PNMA5: variants seen among roughly 807,000 people sequenced by gnomAD.
PNMA5 encodes PNMA family member 5.
For synonymous variants in PNMA5, 138 were observed against 137.9 expected (o/e 1.00, Z 0.00); for missense variants, 334 against 356.6 (o/e 0.94, Z 0.51).
chrX:152,990,943 T>C lies in PNMA5; in HGVS notation c.656A>G (p.Asn219Ser), dbSNP rs782613161. Residue 219 changes from asparagine (N) to serine (S), a missense_variant, in exon 4 of 4, where the codon AAT becomes AGT. Coordinates refer to ENST00000535214, the MANE Select transcript of PNMA5 (RefSeq NM_001184924.2). ...GCACTGCTCCACAGTTATGGAGTCATTGTTGGCCTGGAGCACCCGCATGAT... is the reference window on the plus strand; with the variant it reads ...GCACTGCTCCACAGTTATGGAGTCACTGTTGGCCTGGAGCACCCGCATGAT... ...LSIMRVLQAN[N>S]DSITVEQCLD... 5 of 1,195,203 alleles carry C rather than the reference T, an allele frequency of 4.2e-6. No individual in the cohort carries two copies. The highest frequency in any genetic ancestry group is 1.9e-5 in the South Asian group (1 of 53,211).
In PNMA5 at chrX:152,990,886, T is replaced by C; in HGVS notation, c.713A>G (p.Lys238Arg). ...LDALKQIFGD[K>R]EDFRASQFRF... is the part of the protein sequence containing the mutation. ...AAACTGAGAGGCTCTAAAGTCCTCT[T>C]TATCCCCAAAGATCTGCTTTAGGGC... is the stretch of plus-strand genomic sequence containing the variant. Residue 238 changes from lysine (K) to arginine (R), a missense_variant, in exon 4 of 4, where the codon AAA becomes AGA. By Grantham distance (26) the Lys-to-Arg change is conservative. Coordinates refer to ENST00000535214, the MANE Select transcript of PNMA5 (RefSeq NM_001184924.2). The C allele has an allele frequency of 8.3e-7, 1 of 1,208,648 alleles. No individual in the cohort carries two copies.
chrX:152,991,027 A>G lies in PNMA5; in HGVS notation c.572T>C (p.Val191Ala), dbSNP rs1257454393. The G allele has an allele frequency of 8.3e-7, 1 of 1,204,878 alleles. No homozygotes were observed. Among genetic ancestry groups the G allele is most frequent in the African/African-American group, 1.7e-5 (1 of 57,151 alleles). The change falls in exon 4 of 4, where the codon GTG becomes GCG. Residue 191 changes from valine to alanine, a missense_variant. Coordinates refer to ENST00000535214, the MANE Select transcript of PNMA5 (RefSeq NM_001184924.2). Reference protein sequence around the residue: ...QVTEIMPIWQVSEVEKRRRLL... With the variant: ...QVTEIMPIWQASEVEKRRRLL... ...ACGCCGCCTCTTCTCCACCTCAGAC[A>G]CTTGCCATATGGGCATTATCTCAGT...
chrX:152,990,953 G>T lies in PNMA5; in HGVS notation c.646C>A (p.Gln216Lys). The change falls in exon 4 of 4, where the codon CAG becomes AAG. Residue 216 changes from glutamine to lysine, a missense_variant. By Grantham distance (53) the Gln-to-Lys change is moderately conservative. Coordinates refer to ENST00000535214, the MANE Select transcript of PNMA5 (RefSeq NM_001184924.2). ...GPALSIMRVL[Q>K]ANNDSITVEQ... ...ACAGTTATGGAGTCATTGTTGGCCT[G>T]GAGCACCCGCATGATTGACAGAGCA... 1 of 1,194,621 alleles carries T rather than the reference G, an allele frequency of 8.4e-7. No individual in the cohort carries two copies. Among genetic ancestry groups the T allele is most frequent in the Non-Finnish European group, 1.1e-6 (1 of 888,214 alleles).
At chrX:152,993,558 T>C (rs1288730316) in intron 1 of PNMA5, among the ~76,000 whole-genome samples, 2 of 111,768 alleles carry the variant, frequency 1.8e-5, no homozygotes, top group Non-Finnish European at 3.8e-5. Flanking sequence ...TTGTTTGTTT[T>C]TCTCTGAAAC....
chrX:152,990,218 C>T lies in PNMA5; in HGVS notation c.*34G>A, dbSNP rs2050886574. Reference sequence around the variant, plus strand: ...CCCCTTGTTCAAATGTCCCTGCTGCCTGCCAGGGGAAGGAGTGCTTCGGTC... The same window carrying T: ...CCCCTTGTTCAAATGTCCCTGCTGCTTGCCAGGGGAAGGAGTGCTTCGGTC... On this transcript the variant is annotated 3_prime_UTR_variant, in exon 4 of 4. Coordinates refer to ENST00000535214, the MANE Select transcript of PNMA5 (RefSeq NM_001184924.2). 9.4e-7 allele frequency: 1 copy of T among 1,060,505 alleles called. No homozygotes were observed. Among genetic ancestry groups the T allele is most frequent in the Non-Finnish European group, 1.2e-6 (1 of 820,540 alleles). 87.4% of individuals were successfully genotyped at this position (1,060,505 alleles called of 1,213,427 possible).
rs782011616 is a variant in PNMA5 at position 152,990,293 on chromosome X, C to A, written c.1306G>T (p.Gly436Trp). The part of the protein sequence containing the change: ...AAGEELGNEA[G>W]AGAMSHPKPW... Reference sequence around the variant, plus strand: ...TTGGGATGGCTCATGGCCCCAGCCCCTGCCTCGTTTCCCAACTCCTCTCCT... The same window carrying A: ...TTGGGATGGCTCATGGCCCCAGCCCATGCCTCGTTTCCCAACTCCTCTCCT... Residue 436 changes from glycine to tryptophan, a missense_variant, in exon 4 of 4, where the codon GGG becomes TGG. Transcript: ENST00000535214. The A allele has an allele frequency of 8.8e-6, 10 of 1,130,948 alleles. No individual in the cohort carries two copies. The highest frequency in any genetic ancestry group is 1.2e-5 in the Non-Finnish European group (10 of 860,797). 93.2% of individuals were successfully genotyped at this position (1,130,948 alleles called of 1,213,427 possible).
Position 152,990,352 on chromosome X carries a change from T to G in PNMA5, c.1247A>C (p.Asn416Thr). 8.6e-7 allele frequency: 1 copy of G among 1,166,884 alleles called. No homozygotes were observed. Among genetic ancestry groups the G allele is most frequent in the Non-Finnish European group, 1.1e-6 (1 of 878,563 alleles). ...HGQATYPKAE[N>T]QTPGREGPQA... is the part of the protein sequence containing the mutation. ...TGGCCCCTCCCTGCCTGGAGTCTGG[T>G]TTTCAGCCTTGGGATACGTGGCCTG... Residue 416 changes from asparagine to threonine, a missense_variant, in exon 4 of 4, where the codon AAC becomes ACC. Physicochemically the swap from Asn to Thr is moderately conservative, Grantham distance 65 (BLOSUM62 0). Transcript: ENST00000535214.
chrX:152,990,267 C>T lies in PNMA5; in HGVS notation c.1332G>A (p.Lys444=). Residue 444 remains lysine, a synonymous_variant, in exon 4 of 4, where the codon AAG becomes AAA. Coordinates refer to ENST00000535214, the MANE Select transcript of PNMA5 (RefSeq NM_001184924.2). The part of the protein sequence containing the change: ...EAGAGAMSHP[K]PWET ...TCTTCTGAGCCTATGTTTCCCAGGG[C>T]TTGGGATGGCTCATGGCCCCAGCCC... 18 of 1,104,756 alleles carry T rather than the reference C, an allele frequency of 1.6e-5. No homozygotes were observed. The highest frequency in any genetic ancestry group is 2.1e-5 in the Non-Finnish European group (18 of 845,856). 91.0% of individuals were successfully genotyped at this position (1,104,756 alleles called of 1,213,427 possible). A position where few individuals can be genotyped will look rare whatever the true frequency, so the allele number is the denominator to read the frequency against.
chrX:152,990,197 T>C lies in PNMA5; in HGVS notation c.*55A>G. 9.5e-7 allele frequency: 1 copy of C among 1,058,093 alleles called. No individual in the cohort carries two copies. The highest frequency in any genetic ancestry group is 1.2e-6 in the Non-Finnish European group (1 of 818,818). 87.2% of individuals were successfully genotyped at this position (1,058,093 alleles called of 1,213,427 possible). On this transcript the variant is annotated 3_prime_UTR_variant, in exon 4 of 4. Coordinates refer to ENST00000535214, the MANE Select transcript of PNMA5 (RefSeq NM_001184924.2). ...TGTTAGTGTAAGCTGCCCCTTCCCC[T>C]TGTTCAAATGTCCCTGCTGCCTGCC...
chrX:152,991,237 G>C lies in PNMA5; in HGVS notation c.362C>G (p.Ala121Gly). The C allele has an allele frequency of 7.5e-6, 9 of 1,200,062 alleles. No individual in the cohort carries two copies. Among genetic ancestry groups the C allele is most frequent in the Non-Finnish European group, 1.0e-5 (9 of 889,848 alleles). ...KDEGRSMTDVARALGCCSLPA... is the reference protein window; with the variant it reads ...KDEGRSMTDVGRALGCCSLPA... ...GAGGCTGCAACATCCCAGGGCTCTG[G>C]CCACATCTGTCATACTTCGGCCCTC... The change falls in exon 4 of 4, where the codon GCC becomes GGC. Residue 121 changes from alanine (A) to glycine (G), a missense_variant. Transcript: ENST00000535214.
chrX:152,993,043 T>C (rs2050920648), intron 1 of PNMA5, among the ~76,000 whole-genome samples: 1 of 106,037 alleles, frequency 9.4e-6, no homozygotes, highest in Non-Finnish European at 1.9e-5. Context: ...GATCCTAAGG[T>C]AAGGTTGCTG....
In PNMA5 at chrX:152,989,606, C is replaced by T. The variant is rs1343084856; in HGVS notation, c.*646G>A. On this transcript the variant is annotated 3_prime_UTR_variant, in exon 4 of 4. Transcript: ENST00000535214. ...CTTCCTCCTGCTCCTCCTTATTCTCCTCTTCCTCCTCCCGATCATCCTCTT... is the reference window on the plus strand; with the variant it reads ...CTTCCTCCTGCTCCTCCTTATTCTCTTCTTCCTCCTCCCGATCATCCTCTT... 9.1e-6 allele frequency: 1 copy of T among 110,218 alleles called. No homozygotes were observed. Among genetic ancestry groups the T allele is most frequent in the East Asian group, 2.9e-4 (1 of 3,476 alleles). The allele number at this position is 110,218 out of a possible 1,213,427, so 9.1% of individuals were successfully genotyped here.
At chrX:152,993,537 C>T (rs914519991) in intron 1 of PNMA5, among the ~76,000 whole-genome samples, 4 of 111,755 alleles carry the variant, frequency 3.6e-5, no homozygotes, top group Admixed American at 9.5e-5. Flanking sequence ...TGGAATAGGT[C>T]TCCCTGAAGT....
At chrX:152,993,898 T>C (rs2050928708) in intron 1 of PNMA5, 135 bp downstream of exon 1, 1 of 112,735 alleles carries the variant, frequency 8.9e-6, no homozygotes, top group African/African-American at 3.2e-5. Flanking sequence ...GCGTGCTGGG[T>C]GTGATCTAGT....
chrX:152,989,902 G>A lies in PNMA5; in HGVS notation c.*350C>T. On this transcript the variant is annotated 3_prime_UTR_variant, in exon 4 of 4. Transcript: ENST00000535214. ...CAAAGTCCACAGGGTAGATATTTGG[G>A]GGTGTCCAGAGGACCAGGCCAGAGC... The A allele has an allele frequency of 5.4e-6, 1 of 185,378 alleles. No homozygotes were observed. The highest frequency in any genetic ancestry group is 1.8e-3 in the Middle Eastern group (1 of 541). The allele number at this position is 185,378 out of a possible 1,213,427, so 15.3% of individuals were successfully genotyped here.
At chrX:152,993,613 C>T (rs1556925002) in intron 1 of PNMA5, among the ~76,000 whole-genome samples, 1 of 112,338 alleles carries the variant, frequency 8.9e-6, no homozygotes, top group Non-Finnish European at 1.9e-5. Context: ...TAGCGTATCT[C>T]GGCTCACTGC....
Position 152,991,485 on chromosome X carries a change from A to G in PNMA5, c.114T>C (p.Thr38=). The change falls in exon 4 of 4, where the codon ACT becomes ACC. Residue 38 remains threonine, a synonymous_variant. Transcript: ENST00000535214. Reference sequence around the variant, plus strand: ...ACAGGGGCTGTAAGCCTGCCTTCACAGTGTCCTGAATTTCCACCTCACTAC... The same window carrying G: ...ACAGGGGCTGTAAGCCTGCCTTCACGGTGTCCTGAATTTCCACCTCACTAC... ...MECSEVEIQD[T]VKAGLQPLCA... 1.7e-6 allele frequency: 2 copies of G among 1,207,855 alleles called. No homozygotes were observed. Among genetic ancestry groups the G allele is most frequent in the South Asian group, 3.6e-5 (2 of 55,924 alleles).
chrX:152,991,914 ACTT>A lies in PNMA5; in HGVS notation c.-139_-137del, dbSNP rs1239507461. On this transcript the variant is annotated 5_prime_UTR_variant, in exon 3 of 4. Coordinates refer to ENST00000535214, the MANE Select transcript of PNMA5 (RefSeq NM_001184924.2). ...CTCCCCATCTCACCACTCCCTGCTG[ACTT>A]CCTCCTGCTGTGGGTTCTTCCTCAA... 8.7e-6 allele frequency: 2 copies of A among 231,175 alleles called. No individual in the cohort carries two copies. Among genetic ancestry groups the A allele is most frequent in the Non-Finnish European group, 1.5e-5 (2 of 129,379 alleles). The allele number at this position is 231,175 out of a possible 1,213,427, so 19.1% of individuals were successfully genotyped here. A position where few individuals can be genotyped will look rare whatever the true frequency, so the allele number is the denominator to read the frequency against.
In PNMA5 at chrX:152,990,876, A is replaced by G. The variant is rs781888093; in HGVS notation, c.723T>C (p.Phe241=). The G allele has an allele frequency of 1.9e-5, 23 of 1,209,210 alleles. No homozygotes were observed. The highest frequency in any genetic ancestry group is 2.3e-5 in the Non-Finnish European group (21 of 894,631). The change falls in exon 4 of 4, where the codon TTT becomes TTC. Residue 241 remains phenylalanine (F), a synonymous_variant. Coordinates refer to ENST00000535214, the MANE Select transcript of PNMA5 (RefSeq NM_001184924.2). ...GCAGAAACCTAAACTGAGAGGCTCT[A>G]AAGTCCTCTTTATCCCCAAAGATCT... ...LKQIFGDKED[F]RASQFRFLQT... is the part of the protein sequence containing the mutation.
Sources: gnomAD v4.1 joint callset for allele counts (sites outside exome capture counted in the v4.1 genomes callset) on GRCh38, gnomAD v4.1.1 for gene constraint, MANE v1.5 for transcripts, NCBI Gene and HGNC (gene_info 2026-07-23, HGNC 2026-07-21) for gene names.